The following NKD1 variants were observed in gnomAD, a reference collection of about 807,000 sequenced individuals.
NKD1 encodes NKD inhibitor of Wnt signaling pathway 1, also known as protein naked cuticle homolog 1.
Under a neutral mutation model 56.0 loss-of-function variants are expected in NKD1, and 21 were observed. The observed-to-expected ratio is 0.38, with a 90% CI of 0.27 to 0.54. NKD1 has a LOEUF of 0.54. NKD1 is among the 20% of genes least tolerant of loss of function. The pLI is 0.82. For missense variants in NKD1, 578 were observed against 642.7 expected (o/e 0.90, Z 1.09); for synonymous variants, 263 against 265.7 (o/e 0.99, Z 0.10).
rs1343097678 is a variant in NKD1, at chr16:50,606,808, G to T, written c.193-1486G>T. The T allele has an allele frequency of 1.1e-5, 5 of 456,712 alleles. No homozygotes were observed. The East Asian group carries it at 2.8e-4, about 25-fold the overall frequency. 28.3% of individuals were successfully genotyped at this position (456,712 alleles called of 1,614,324 possible). The stretch of plus-strand genomic sequence containing the variant: ...GAAGACTGTTGCCTGTTCCCTCGGG[G>T]AAGCTCTGCCTACCAGCCTTTCAGG... On this transcript the variant is annotated intron_variant, in intron 3 of 9. Coordinates refer to ENST00000268459, the MANE Select transcript of NKD1 (RefSeq NM_033119.5).
At chr16:50,622,763 G>C (rs1962121487) in intron 5 of NKD1, among the ~76,000 whole-genome samples, 1 of 152,142 alleles carries the variant, frequency 6.6e-6, no homozygotes, top group South Asian at 2.1e-4. Flanking sequence ...ATTGGCACCG[G>C]CTAATTGCCA....
chr16:50,579,334 A>G (rs113651640), intron 3 of NKD1, among the ~76,000 whole-genome samples: 683 of 48,924 alleles, frequency 0.014, 1 homozygote, highest in Admixed American at 0.019. Context: ...ACTCTAACCC[A>G]CCACGCATGC....
At chr16:50,575,189 G>A in intron 3 of NKD1, 1 of 985,258 alleles carries the variant, frequency 1.0e-6, no homozygotes, top group Non-Finnish European at 1.2e-6. Flanking sequence ...TTCGCTGGAA[G>A]GAAAGGAAAC....
chr16:50,581,642 G>C (rs1298501168), intron 3 of NKD1, among the ~76,000 whole-genome samples: 1 of 152,242 alleles, frequency 6.6e-6, no homozygotes, highest in Non-Finnish European at 1.5e-5. Flanking sequence ...CTCGGATGGA[G>C]AGAACTGGCT....
intron 3 of NKD1, among the ~76,000 whole-genome samples, chr16:50,576,811 C>T (rs1447626777): frequency 1.3e-5 from 2 of 148,638 alleles, no homozygotes; most frequent in Non-Finnish European, 3.0e-5. Context: ...AAGTTATTTA[C>T]CAAGTATACT....
Position 50,633,635 on chromosome 16 carries a change from G to C in NKD1, c.1267G>C (p.Gly423Arg). 4 of 1,608,638 alleles carry C rather than the reference G, an allele frequency of 2.5e-6. No homozygotes were observed. The highest frequency in any genetic ancestry group is 3.4e-6 in the Non-Finnish European group (4 of 1,178,188). Reference protein sequence around the residue: ...CRGLQAPLASGGPVLGREHLR... With the variant: ...CRGLQAPLASRGPVLGREHLR... Reference sequence around the variant, plus strand: ...GGGCCTGCAGGCACCACTGGCCTCAGGTGGCCCTGTCCTGGGGCGGGAGCA... The same window carrying C: ...GGGCCTGCAGGCACCACTGGCCTCACGTGGCCCTGTCCTGGGGCGGGAGCA... The change falls in exon 10 of 10, where the codon GGT becomes CGT. Residue 423 changes from glycine to arginine, a missense_variant. By Grantham distance (125) the Gly-to-Arg change is moderately radical. Coordinates refer to ENST00000268459, the MANE Select transcript of NKD1 (RefSeq NM_033119.5). This position sits in a 1 kb window ranked among gnomAD's most constrained non-coding sequence, Gnocchi z 4.9.
At chr16:50,603,035 C>CGA (rs1313600213) in intron 3 of NKD1, among the ~76,000 whole-genome samples, 2 of 152,214 alleles carry the variant, frequency 1.3e-5, no homozygotes, top group African/African-American at 4.8e-5. Flanking sequence ...AGAATGTTCC[C>CGA]GAGCCTGTGT....
Position 50,548,799 on chromosome 16 carries a change from C to A in NKD1, c.58+50C>A, listed in dbSNP as rs1312850102. On this transcript the variant is annotated intron_variant, in intron 2 of 9. Transcript: ENST00000268459. ...TCGGGGATGGACGCGGGGGACACCG[C>A]GGCCGCGGCAGAACGGCCCAGCCCG... 5.2e-6 allele frequency: 7 copies of A among 1,348,266 alleles called. No individual in the cohort carries two copies. In the South Asian group the frequency reaches 1.3e-4, roughly 26 times the overall value. 83.5% of individuals were successfully genotyped at this position (1,348,266 alleles called of 1,614,324 possible). A position where few individuals can be genotyped will look rare whatever the true frequency, so the allele number is the denominator to read the frequency against.
chr16:50,585,303 T>C (rs1222747172), intron 3 of NKD1, among the ~76,000 whole-genome samples: 1 of 152,150 alleles, frequency 6.6e-6, no homozygotes, highest in Admixed American at 6.5e-5. Context: ...CTGGGGATGC[T>C]GGCACTTCCC....
At chr16:50,556,130 C>T (rs964953770) in intron 3 of NKD1, 8 of 152,254 alleles carry the variant, frequency 5.3e-5, no homozygotes, top group Admixed American at 2.6e-4. Context: ...TCACCCTGCT[C>T]CGTTTATCCT....
intron 3 of NKD1, among the ~76,000 whole-genome samples, chr16:50,565,371 CA>C (rs200279746): frequency 0.05 from 5,495 of 110,798 alleles, 318 homozygotes; most frequent in African/African-American, 0.16. Flanking sequence ...GACTCCGTCT[CA>C]AAAAAAAAAA....
chr16:50,634,159 T>A lies in NKD1; in HGVS notation c.*378T>A. 1.1e-5 allele frequency: 2 copies of A among 183,584 alleles called. No individual in the cohort carries two copies. The highest frequency in any genetic ancestry group is 2.2e-5 in the Non-Finnish European group (2 of 89,202). The allele number at this position is 183,584 out of a possible 1,614,324, so 11.4% of individuals were successfully genotyped here. Reference sequence around the variant, plus strand: ...CCTCTTCCAGGAGAGCACCCTTACTTGGCCCGGCTTCCAGAGACCCTCGAA... The same window carrying A: ...CCTCTTCCAGGAGAGCACCCTTACTAGGCCCGGCTTCCAGAGACCCTCGAA... On this transcript the variant is annotated 3_prime_UTR_variant, in exon 10 of 10. Coordinates refer to ENST00000268459, the MANE Select transcript of NKD1 (RefSeq NM_033119.5).
chr16:50,626,130 C>T (rs1254534480), intron 6 of NKD1, among the ~76,000 whole-genome samples: 1 of 152,244 alleles, frequency 6.6e-6, no homozygotes, highest in East Asian at 1.9e-4. Flanking sequence ...CGTCCCAAAC[C>T]TCTTCTTCCT....
intron 3 of NKD1, chr16:50,572,783 G>T (rs774442661): frequency 3.2e-6 from 2 of 630,730 alleles, no homozygotes; most frequent in Non-Finnish European, 4.0e-6. Flanking sequence ...CCCTGAGTCC[G>T]ACAGAGACAG....
intron 4 of NKD1, among the ~76,000 whole-genome samples, chr16:50,612,471 C>T (rs1310560499): frequency 3.3e-5 from 5 of 152,174 alleles, no homozygotes; most frequent in African/African-American, 4.8e-5. Context: ...TTCACAGGCA[C>T]GAGCAAGGTA....
At chr16:50,584,801 A>G (rs1409500820) in intron 3 of NKD1, among the ~76,000 whole-genome samples, 2 of 152,068 alleles carry the variant, frequency 1.3e-5, no homozygotes, top group African/African-American at 4.8e-5. Context: ...TTCATTTAGG[A>G]TGTCACCTGC....
chr16:50,582,363 T>C (rs1425486252), intron 3 of NKD1, among the ~76,000 whole-genome samples: 2 of 152,182 alleles, frequency 1.3e-5, no homozygotes, highest in African/African-American at 4.8e-5. Context: ...CCCTCCCACA[T>C]ATCCTAAAGT....
chr16:50,562,973 A>G (rs1960667290), intron 3 of NKD1, among the ~76,000 whole-genome samples: 2 of 131,738 alleles, frequency 1.5e-5, no homozygotes, highest in African/African-American at 3.5e-5. Context: ...AAGGGCTGCT[A>G]GGTCCCACCA....
intron 3 of NKD1, chr16:50,574,743 G>A: frequency 1.0e-6 from 1 of 985,436 alleles, no homozygotes; most frequent in Non-Finnish European, 1.2e-6. Flanking sequence ...GGCACTTGGT[G>A]AGCAAATGGC....
Sources: allele counts gnomAD v4.1 joint callset (sites outside exome capture counted in the v4.1 genomes callset), GRCh38; gene constraint gnomAD v4.1.1; non-coding constraint Gnocchi (gnomAD v3.1); transcripts MANE v1.5; gene names NCBI Gene and HGNC (gene_info 2026-07-23, HGNC 2026-07-21).